The following ZCCHC2 variants were observed in gnomAD, a reference collection of about 807,000 sequenced individuals.
ZCCHC2 encodes zinc finger CCHC-type containing 2, also known as zinc finger CCHC domain-containing protein 2.
A neutral mutation model predicts 103.6 loss-of-function variants in ZCCHC2; 39 were observed. The ratio of observed to expected loss-of-function variants is 0.38; its 90% CI spans 0.29 to 0.49. ZCCHC2 has a LOEUF of 0.49. Ranked by LOEUF, ZCCHC2 falls within the 20% of genes least tolerant of loss-of-function variation. The pLI is 0.96. For missense variants in ZCCHC2, 1,483 were observed against 1,491.0 expected (o/e 0.99, Z 0.09); for synonymous variants, 687 against 608.9 (o/e 1.13, Z -1.89).
chr18:62,572,016 G>C (rs1384692725), intron 12 of ZCCHC2, among the ~76,000 whole-genome samples: 2 of 151,834 alleles, frequency 1.3e-5, no homozygotes, highest in African/African-American at 4.8e-5. Context: ...CCTTGTGAAA[G>C]AAAAAAAATG....
rs181184205 is a variant in ZCCHC2, at chr18:62,574,127, C to T, written c.2046C>T (p.Asn682=). ...GGTTTACAGGTTACGGTTCTGTCAACCAGACTGTCACTGTCAAGCCACCTG... is the reference window on the plus strand; with the variant it reads ...GGTTTACAGGTTACGGTTCTGTCAATCAGACTGTCACTGTCAAGCCACCTG... ...TTRFTGYGSV[N]QTVTVKPPVQ... Residue 682 remains asparagine, a synonymous_variant, in exon 13 of 14, where the codon AAC becomes AAT. Transcript: ENST00000269499. The T allele has an allele frequency of 6.2e-7, 1 of 1,613,994 alleles. No homozygotes were observed. The highest frequency in any genetic ancestry group is 1.7e-5 in the Admixed American group (1 of 60,028).
At chr18:62,552,670 A>G (rs577340889) in intron 5 of ZCCHC2, among the ~76,000 whole-genome samples, 1 of 152,246 alleles carries the variant, frequency 6.6e-6, no homozygotes, top group East Asian at 1.9e-4. Flanking sequence ...AGGCCAAGAC[A>G]GGAGGATCAT....
chr18:62,550,956 G>A lies in ZCCHC2; in HGVS notation c.1313+496G>A, dbSNP rs189363815. Among the ~76,000 whole-genome samples, 554 of 152,290 alleles carry A rather than the reference G, an allele frequency of 3.6e-3. 6 individuals carry two copies. Among genetic ancestry groups the A allele is most frequent in the Admixed American group, 0.011 (161 of 15,302 alleles). ...GGGCTTGTTGGGAAAGATGCGCTTA[G>A]ATGAGATGATCTTGGATTAATTCCC... is the stretch of plus-strand genomic sequence containing the variant. On this transcript the variant is annotated intron_variant, in intron 5 of 13. Coordinates refer to ENST00000269499, the MANE Select transcript of ZCCHC2 (RefSeq NM_017742.6).
chr18:62,545,778 A>G (rs910599865), intron 4 of ZCCHC2, among the ~76,000 whole-genome samples: 1 of 152,268 alleles, frequency 6.6e-6, no homozygotes, highest in Non-Finnish European at 1.5e-5. Context: ...TATTAAACAT[A>G]TAACATACGA....
intron 1 of ZCCHC2, 164 bp from the exon 2 acceptor site, chr18:62,539,517 T>A: frequency 1.9e-6 from 1 of 525,964 alleles, no homozygotes; most frequent in South Asian, 2.2e-5. Flanking sequence ...ATCTTCTGCT[T>A]GCGGCTCTCA....
chr18:62,558,319 A>G (rs1915977965), intron 6 of ZCCHC2, among the ~76,000 whole-genome samples: 1 of 152,244 alleles, frequency 6.6e-6, no homozygotes, highest in African/African-American at 2.4e-5. Flanking sequence ...TGTATTTTAC[A>G]AAAGTAACGA....
rs1175169707 is a variant in ZCCHC2 at position 62,538,784 on chromosome 18, T to C, written c.940-897T>C. Reference sequence around the variant, plus strand: ...GACAGCAGAACAAAATATTTTTAAATTGAGATTTGTGGGGAGCTTAGGGTC... The same window carrying C: ...GACAGCAGAACAAAATATTTTTAAACTGAGATTTGTGGGGAGCTTAGGGTC... On this transcript the variant is annotated intron_variant, in intron 1 of 13. Coordinates refer to ENST00000269499, the MANE Select transcript of ZCCHC2 (RefSeq NM_017742.6). Among the ~76,000 whole-genome samples, 3 of 152,140 alleles carry C rather than the reference T, an allele frequency of 2.0e-5. No individual in the cohort carries two copies. The East Asian group carries it at 5.8e-4, about 29-fold the overall frequency.
rs572649118 is a variant in ZCCHC2, at chr18:62,529,215, A to G, written c.939+4852A>G. On this transcript the variant is annotated intron_variant, in intron 1 of 13. Coordinates refer to ENST00000269499, the MANE Select transcript of ZCCHC2 (RefSeq NM_017742.6). Reference sequence around the variant, plus strand: ...TTAAAAATGACCAGTTCTAATGCTCACTGGTAATATTAATAAATACCTTTA... The same window carrying G: ...TTAAAAATGACCAGTTCTAATGCTCGCTGGTAATATTAATAAATACCTTTA... 2.6e-5 allele frequency among the ~76,000 whole-genome samples: 4 copies of G among 151,658 alleles called. No individual in the cohort carries two copies. In the East Asian group the frequency reaches 7.7e-4, roughly 29 times the overall value.
chr18:62,526,790 C>A (rs1339025713), intron 1 of ZCCHC2: 1 of 151,894 alleles, frequency 6.6e-6, no homozygotes, highest in Middle Eastern at 3.5e-3. Flanking sequence ...CGGGGCTCCT[C>A]CCCGCCCCCG....
Position 62,560,588 on chromosome 18 carries a change from T to C in ZCCHC2, c.1494T>C (p.Asp498=). The C allele has an allele frequency of 6.2e-7, 1 of 1,613,212 alleles. No homozygotes were observed. The highest frequency in any genetic ancestry group is 1.1e-5 in the South Asian group (1 of 91,002). The change falls in exon 8 of 14, where the codon GAT becomes GAC. Residue 498 remains aspartate (D), a splice_region_variant and synonymous_variant. Transcript: ENST00000269499. ...DSSEASSQEE[D]VLQHAIIHKK... Reference sequence around the variant, plus strand: ...AAGTTACTTTTTCCTCTCTTCTAGATGTGTTGCAGCATGCCATAATCCACA... The same window carrying C: ...AAGTTACTTTTTCCTCTCTTCTAGACGTGTTGCAGCATGCCATAATCCACA...
intron 11 of ZCCHC2, among the ~76,000 whole-genome samples, chr18:62,566,106 G>A (rs778530806): frequency 2.6e-5 from 4 of 152,088 alleles, no homozygotes; most frequent in African/African-American, 7.2e-5. Context: ...TTAGCCAGGC[G>A]TGGTGGCACA....
At chr18:62,524,393 C>T (rs1313382261) in intron 1 of ZCCHC2, 30 bp downstream of exon 1, 12 of 1,439,816 alleles carry the variant, frequency 8.3e-6, no homozygotes, top group Non-Finnish European at 1.1e-5. Context: ...CCTGGACTCG[C>T]GGTGCGATCG....
chr18:62,559,502 A>C (rs147108300), intron 7 of ZCCHC2, among the ~76,000 whole-genome samples: 6 of 152,380 alleles, frequency 3.9e-5, no homozygotes, highest in Non-Finnish European at 5.9e-5. Flanking sequence ...GATATGAAGC[A>C]GTGGGAACTC....
intron 1 of ZCCHC2, among the ~76,000 whole-genome samples, chr18:62,536,500 G>T (rs936775380): frequency 6.6e-6 from 1 of 152,064 alleles, no homozygotes; most frequent in Non-Finnish European, 1.5e-5. Flanking sequence ...AGATAAAGTG[G>T]GTGCCATTCC....
In ZCCHC2 at chr18:62,555,101, A is replaced by G. The variant is rs1598950010; in HGVS notation, c.1314-1102A>G. On this transcript the variant is annotated intron_variant, in intron 5 of 13. Coordinates refer to ENST00000269499, the MANE Select transcript of ZCCHC2 (RefSeq NM_017742.6). Reference sequence around the variant, plus strand: ...GGGTGACTGTTTATCTGTGTGCACTATTTGATTCTTGTAACCATGAGAAAT... The same window carrying G: ...GGGTGACTGTTTATCTGTGTGCACTGTTTGATTCTTGTAACCATGAGAAAT... 2.6e-5 allele frequency among the ~76,000 whole-genome samples: 4 copies of G among 152,326 alleles called. No individual in the cohort carries two copies. In the South Asian group the frequency reaches 8.3e-4, roughly 32 times the overall value.
chr18:62,552,256 GAA>G (rs1429466747), intron 5 of ZCCHC2: 17 of 152,388 alleles, frequency 1.1e-4, no homozygotes, highest in African/African-American at 4.1e-4. Flanking sequence ...GGAAGGATCA[GAA>G]GATGAAGACT....
rs2145477384 is a variant in ZCCHC2, at chr18:62,523,374, C to T, written c.-51C>T. 5 of 1,013,916 alleles carry T rather than the reference C, an allele frequency of 4.9e-6. No homozygotes were observed. Among genetic ancestry groups the T allele is most frequent in the South Asian group, 3.7e-5 (1 of 27,238 alleles). 62.8% of individuals were successfully genotyped at this position (1,013,916 alleles called of 1,614,324 possible). ...CCGCCTCGGCCCGTGCTCCACCTCGCGGCCCCTCCCGCCCGCCCCCGCTCG... is the reference window on the plus strand; with the variant it reads ...CCGCCTCGGCCCGTGCTCCACCTCGTGGCCCCTCCCGCCCGCCCCCGCTCG... On this transcript the variant is annotated 5_prime_UTR_variant, in exon 1 of 14. Transcript: ENST00000269499.
At chr18:62,564,177 C>G (rs1916243268) in intron 9 of ZCCHC2, among the ~76,000 whole-genome samples, 1 of 152,146 alleles carries the variant, frequency 6.6e-6, no homozygotes, top group Non-Finnish European at 1.5e-5. Context: ...TTTACTTTCC[C>G]TCCCCTACTC....
In ZCCHC2 at chr18:62,574,759, C is replaced by T. The variant is rs755599698; in HGVS notation, c.2678C>T (p.Pro893Leu). 15 of 1,614,010 alleles carry T rather than the reference C, an allele frequency of 9.3e-6. No homozygotes were observed. The highest frequency in any genetic ancestry group is 1.3e-5 in the Non-Finnish European group (15 of 1,179,890). Residue 893 changes from proline (P) to leucine (L), a missense_variant, in exon 13 of 14, where the codon CCT becomes CTT. Physicochemically the swap from Pro to Leu is moderately conservative, Grantham distance 98. Around this residue, in one of 3 missense-constraint regions of ZCCHC2, gnomAD observed 884 missense variants for 907.5 expected, o/e 0.97. Coordinates refer to ENST00000269499, the MANE Select transcript of ZCCHC2 (RefSeq NM_017742.6). Reference protein sequence around the residue: ...PQIEGNTGTVPQPTNVKVVLP... With the variant: ...PQIEGNTGTVLQPTNVKVVLP... ...ATTGAGGGAAACACAGGGACAGTCC[C>T]TCAGCCTACCAATGTGAAGGTAGTT...
Sources: gnomAD v4.1 joint callset for allele counts (sites outside exome capture counted in the v4.1 genomes callset) on GRCh38, gnomAD v4.1.1 for gene constraint, gnomAD v4.1.1 regional missense constraint, MANE v1.5 for transcripts, NCBI Gene and HGNC (gene_info 2026-07-23, HGNC 2026-07-21) for gene names.